The following CNTN4 variants were observed in gnomAD, a reference collection of about 807,000 sequenced individuals.
CNTN4 encodes contactin-4.
A neutral mutation model predicts 122.5 loss-of-function variants in CNTN4; 77 were observed. That is an observed-to-expected ratio of 0.63 (90% CI 0.52 to 0.76). The LOEUF is 0.76. Ranked by LOEUF, CNTN4 falls within the 30% of genes least tolerant of loss-of-function variation. CNTN4 has a pLI of 0.00. For synonymous variants in CNTN4, 512 were observed against 447.0 expected, an observed-to-expected ratio of 1.15 and a Z score of -1.83; for missense variants, 1,256 against 1,259.1, an observed-to-expected ratio of 1.00 and a Z score of 0.04.
intron 7 of CNTN4, among the ~76,000 whole-genome samples, chr3:2,839,992 G>A (rs1044971535): frequency 4.6e-5 from 7 of 152,026 alleles, no homozygotes; most frequent in Non-Finnish European, 7.4e-5. Flanking sequence ...GATTTAGAAG[G>A]TCTATGTCTT....
chr3:2,845,020 A>G, intron 7 of CNTN4, among the ~76,000 whole-genome samples: 1 of 152,160 alleles, frequency 6.6e-6, no homozygotes, highest in Admixed American at 6.5e-5. Flanking sequence ...TGCCAGTTTC[A>G]CTTACAATTA....
At chr3:2,782,642 G>A (rs189264998) in intron 6 of CNTN4, among the ~76,000 whole-genome samples, 4 of 152,088 alleles carry the variant, frequency 2.6e-5, no homozygotes, top group Admixed American at 1.3e-4. Flanking sequence ...GGGCGAACAG[G>A]AGACCAGGTG....
chr3:2,769,666 A>G (rs977020560), intron 6 of CNTN4, among the ~76,000 whole-genome samples: 3 of 152,170 alleles, frequency 2.0e-5, no homozygotes. Context: ...TTTCACACAC[A>G]TCTCATATTT....
At chr3:2,509,487 C>T (rs916750069) in intron 3 of CNTN4, among the ~76,000 whole-genome samples, 4 of 152,142 alleles carry the variant, frequency 2.6e-5, no homozygotes, top group Admixed American at 2.0e-4. Flanking sequence ...TGCCTTGTTT[C>T]TTTGTACCCC....
chr3:2,555,227 A>T (rs888757234), intron 3 of CNTN4, among the ~76,000 whole-genome samples: 13 of 152,196 alleles, frequency 8.5e-5, no homozygotes, highest in Non-Finnish European at 1.5e-5. Flanking sequence ...ACCAGGAAAA[A>T]TACTAACCTT....
intron 2 of CNTN4, among the ~76,000 whole-genome samples, chr3:2,245,399 G>A (rs769314042): frequency 6.6e-6 from 1 of 151,966 alleles, no homozygotes; most frequent in African/African-American, 2.4e-5. Context: ...GAATAATACA[G>A]CCAGGTTGGT....
intron 3 of CNTN4, among the ~76,000 whole-genome samples, chr3:2,519,717 C>T (rs981422270): frequency 1.3e-5 from 2 of 152,094 alleles, no homozygotes; most frequent in Admixed American, 1.3e-4. Flanking sequence ...GATTGTGGGG[C>T]CAGTGTTGCT....
chr3:2,488,437 A>C (rs2076224378), intron 3 of CNTN4, among the ~76,000 whole-genome samples: 1 of 152,102 alleles, frequency 6.6e-6, no homozygotes, highest in Non-Finnish European at 1.5e-5. Flanking sequence ...ACATTGTTCC[A>C]GTGTGAGTGA....
intron 2 of CNTN4, among the ~76,000 whole-genome samples, chr3:2,120,403 ATATTTT>A (rs1247198126): frequency 1.1e-4 from 4 of 35,828 alleles, no homozygotes; most frequent in African/African-American, 2.9e-4. Context: ...ATATATATAT[ATATTTT>A]TTTTTTTTTT....
Position 2,400,424 on chromosome 3 carries a change from T to TACAC in CNTN4, c.-89+61192_-89+61193insCACA, listed in dbSNP as rs1553640907. 4.6e-3 allele frequency among the ~76,000 whole-genome samples: 311 copies of TACAC among 67,972 alleles called. 3 individuals carry two copies. The highest frequency in any genetic ancestry group is 0.013 in the African/African-American group (275 of 20,458). The allele number at this position is 67,972 out of a possible 152,430, so 44.6% of individuals were successfully genotyped here. On this transcript the variant is annotated intron_variant, in intron 3 of 24. Transcript: ENST00000418658. ...GTGTGAATATATATATATATATATA[T>TACAC]ATACATATATATATATATATATATA...
chr3:2,900,427 T>C (rs569116614), intron 10 of CNTN4, among the ~76,000 whole-genome samples: 5 of 152,282 alleles, frequency 3.3e-5, no homozygotes, highest in Admixed American at 3.3e-4. Flanking sequence ...AGAGGGACAG[T>C]TAATTTTGCC....
Position 2,793,526 on chromosome 3 carries a change from G to A in CNTN4, c.359-25960G>A, listed in dbSNP as rs375507483. ...CTTCATGAAATATGACGTGGTTTTG[G>A]TTTAATGAAAGAGCATCGAAGCTGT... On this transcript the variant is annotated intron_variant, in intron 6 of 24. Transcript: ENST00000418658. Among the ~76,000 whole-genome samples the A allele has an allele frequency of 1.1e-4, 16 of 152,096 alleles. No homozygotes were observed. The South Asian group carries it at 2.1e-3, about 20-fold the overall frequency.
chr3:2,109,163 A>G (rs1003003538), intron 2 of CNTN4, among the ~76,000 whole-genome samples: 1 of 152,148 alleles, frequency 6.6e-6, no homozygotes, highest in Non-Finnish European at 1.5e-5. Context: ...ACAAATTTTC[A>G]TAGTTCGGAA....
At position 2,385,316 on chromosome 3, in the gene CNTN4, C is replaced by T. The variant is rs976293269; in HGVS notation, c.-89+46083C>T. 2.0e-5 allele frequency among the ~76,000 whole-genome samples: 3 copies of T among 151,272 alleles called. No individual in the cohort carries two copies. Among genetic ancestry groups the T allele is most frequent in the Admixed American group, 1.3e-4 (2 of 15,080 alleles). ...CTTAAAACTCTCCCAACAAACAATACCTGTTTATAGTTTTGTTTATATTAC... is the reference window on the plus strand; with the variant it reads ...CTTAAAACTCTCCCAACAAACAATATCTGTTTATAGTTTTGTTTATATTAC... On this transcript the variant is annotated intron_variant, in intron 3 of 24. Coordinates refer to ENST00000418658, the MANE Select transcript of CNTN4 (RefSeq NM_175607.3). This position sits in a 1 kb window ranked among gnomAD's most constrained non-coding sequence, Gnocchi z 4.0.
chr3:2,387,941 G>A (rs1247070580), intron 3 of CNTN4, among the ~76,000 whole-genome samples: 1 of 152,232 alleles, frequency 6.6e-6, no homozygotes, highest in African/African-American at 2.4e-5. Flanking sequence ...GAAGAGTACA[G>A]TCAGCGTCTT....
At chr3:2,630,022 T>C (rs1225254920) in intron 4 of CNTN4, among the ~76,000 whole-genome samples, 2 of 152,210 alleles carry the variant, frequency 1.3e-5, no homozygotes, top group African/African-American at 4.8e-5. Flanking sequence ...CTACCTGCTT[T>C]TGTAAATGAA....
rs1208445657 is a variant in CNTN4, at chr3:2,999,760, G to C, written c.1486+11288G>C. Among the ~76,000 whole-genome samples the C allele has an allele frequency of 2.6e-5, 4 of 152,292 alleles. No individual in the cohort carries two copies. In the South Asian group the frequency reaches 8.3e-4, roughly 32 times the overall value. ...CTCCTAAAAGCCGTACTTCTTAATA[G>C]TGTTGCATTAAGGATTATGTTTCAA... On this transcript the variant is annotated intron_variant, in intron 14 of 24. Coordinates refer to ENST00000418658, the MANE Select transcript of CNTN4 (RefSeq NM_175607.3).
chr3:2,792,064 C>CAAT (rs1271669585), intron 6 of CNTN4, among the ~76,000 whole-genome samples: 2 of 152,122 alleles, frequency 1.3e-5, no homozygotes, highest in Admixed American at 6.5e-5. Flanking sequence ...TGCACATGTA[C>CAAT]CCCTGAACTT....
chr3:3,046,515 A>T (rs1223650957), intron 23 of CNTN4, among the ~76,000 whole-genome samples: 1 of 152,196 alleles, frequency 6.6e-6, no homozygotes, highest in Non-Finnish European at 1.5e-5. Context: ...AGAACTTCAT[A>T]TCCAGCCAAA....
Sources: gnomAD v4.1 joint callset for allele counts (sites outside exome capture counted in the v4.1 genomes callset) on GRCh38, gnomAD v4.1.1 for gene constraint, Gnocchi (gnomAD v3.1) non-coding constraint, MANE v1.5 for transcripts, NCBI Gene and HGNC (gene_info 2026-07-23, HGNC 2026-07-21) for gene names.